The following ATXN1 variants were observed in gnomAD, a reference collection of about 807,000 sequenced individuals.
ATXN1 encodes ataxin 1.
In ATXN1, 8 loss-of-function variants were observed where a neutral mutation model predicts 56.4. The ratio of observed to expected loss-of-function variants is 0.14; its 90% CI spans 0.08 to 0.26. The LOEUF (loss-of-function observed/expected upper bound fraction) is 0.26, where lower values mean the gene tolerates loss of function less well. ATXN1 is among the 10% of genes least tolerant of loss of function. The pLI, the probability that ATXN1 is intolerant of heterozygous loss-of-function variation, is 1.00. For synonymous variants in ATXN1, 514 were observed against 494.6 expected (o/e 1.04, Z -0.52); for missense variants, 987 against 1,106.5 (o/e 0.89, Z 1.53).
intron 2 of ATXN1, among the ~76,000 whole-genome samples, chr6:16,658,639 C>T (rs976020481): frequency 6.6e-6 from 1 of 152,204 alleles, no homozygotes; most frequent in African/African-American, 2.4e-5. Flanking sequence ...GAGCTTTTAA[C>T]GCTCACTTGT....
In ATXN1 at chr6:16,303,920, C is replaced by T. The variant is rs1248405021; in HGVS notation, c.*2409G>A. 1 of 152,644 alleles carries T rather than the reference C, an allele frequency of 6.6e-6. No individual in the cohort carries two copies. Among genetic ancestry groups the T allele is most frequent in the African/African-American group, 2.4e-5 (1 of 41,458 alleles). 9.5% of individuals were successfully genotyped at this position (152,644 alleles called of 1,614,324 possible). A position where few individuals can be genotyped will look rare whatever the true frequency, so the allele number is the denominator to read the frequency against. ...ATATATGGAAGATTAAGCAAGTTCT[C>T]TGAACAGAAACGTTTAAAAAATACA... On this transcript the variant is annotated 3_prime_UTR_variant, in exon 8 of 8. Transcript: ENST00000436367. The surrounding 1 kb of genome is among the most constrained non-coding windows in gnomAD (Gnocchi z 4.3).
At chr6:16,624,830 A>G (rs895509915) in intron 3 of ATXN1, among the ~76,000 whole-genome samples, 5 of 152,192 alleles carry the variant, frequency 3.3e-5, no homozygotes, top group African/African-American at 1.2e-4. Flanking sequence ...GCCCGAGGGG[A>G]CTGAGTCACA....
At chr6:16,586,864 C>G (rs963082092) in intron 3 of ATXN1, among the ~76,000 whole-genome samples, 3 of 152,020 alleles carry the variant, frequency 2.0e-5, no homozygotes, top group South Asian at 4.2e-4. Flanking sequence ...ACTAAAAATA[C>G]AAAAATTAGC....
chr6:16,319,261 C>G (rs776684560), intron 7 of ATXN1, among the ~76,000 whole-genome samples: 7 of 151,790 alleles, frequency 4.6e-5, no homozygotes, highest in Non-Finnish European at 8.8e-5. Context: ...ATATTCAGTG[C>G]TAAAAAGAAA....
At chr6:16,346,117 G>A (rs1581703784) in intron 6 of ATXN1, among the ~76,000 whole-genome samples, 2 of 152,228 alleles carry the variant, frequency 1.3e-5, no homozygotes, top group South Asian at 4.1e-4. Flanking sequence ...GCGCAGTCAC[G>A]TGATCCCAGC....
At chr6:16,550,937 G>C (rs1247755974) in intron 4 of ATXN1, among the ~76,000 whole-genome samples, 2 of 152,090 alleles carry the variant, frequency 1.3e-5, no homozygotes, top group Non-Finnish European at 2.9e-5. Context: ...TTTTACAGAT[G>C]ATAAATTAAG....
intron 6 of ATXN1, among the ~76,000 whole-genome samples, chr6:16,471,864 A>G (rs938006108): frequency 6.6e-6 from 1 of 152,182 alleles, no homozygotes; most frequent in Non-Finnish European, 1.5e-5. Context: ...CAATCTCCGC[A>G]CCATCTGTCA....
At chr6:16,631,588 T>C (rs987269619) in intron 3 of ATXN1, among the ~76,000 whole-genome samples, 2 of 152,122 alleles carry the variant, frequency 1.3e-5, no homozygotes, top group Non-Finnish European at 2.9e-5. Context: ...TGAAATAAAG[T>C]CTCCAGGATA....
chr6:16,449,363 T>C (rs1759706489), intron 6 of ATXN1, among the ~76,000 whole-genome samples: 2 of 152,218 alleles, frequency 1.3e-5, no homozygotes, highest in Non-Finnish European at 2.9e-5. Context: ...CTGTCAGACA[T>C]ACCATGCTTA....
intron 3 of ATXN1, among the ~76,000 whole-genome samples, chr6:16,617,198 C>T (rs1763230654): frequency 6.6e-6 from 1 of 152,036 alleles, no homozygotes; most frequent in African/African-American, 2.4e-5. Flanking sequence ...AAAACAAGAA[C>T]TGCTCAGATT....
intron 6 of ATXN1, among the ~76,000 whole-genome samples, chr6:16,463,436 C>T (rs557291752): frequency 6.6e-6 from 1 of 152,318 alleles, no homozygotes; most frequent in Non-Finnish European, 1.5e-5. Context: ...GCCACTGCTA[C>T]AGGAACCAGA....
chr6:16,674,777 T>G (rs149036138), intron 2 of ATXN1, among the ~76,000 whole-genome samples: 119 of 152,274 alleles, frequency 7.8e-4, no homozygotes, highest in African/African-American at 2.7e-3. Context: ...AAAGGCTGGC[T>G]CTGATGGCAA....
intron 2 of ATXN1, among the ~76,000 whole-genome samples, chr6:16,687,915 A>G (rs1382959034): frequency 6.6e-6 from 1 of 152,220 alleles, no homozygotes; most frequent in Non-Finnish European, 1.5e-5. Flanking sequence ...CAAACAAAGT[A>G]TAAGGCATAA....
intron 3 of ATXN1, among the ~76,000 whole-genome samples, chr6:16,640,035 T>A (rs1272888540): frequency 1.3e-5 from 2 of 152,176 alleles, no homozygotes; most frequent in African/African-American, 4.8e-5. Flanking sequence ...TTTATTGCAT[T>A]TCACTTTGTT....
Position 16,760,770 on chromosome 6 carries a change from G to C in ATXN1, c.-730+528C>G, listed in dbSNP as rs1433976505. 6.6e-6 allele frequency among the ~76,000 whole-genome samples: 1 copy of C among 151,372 alleles called. No homozygotes were observed. The highest frequency in any genetic ancestry group is 1.5e-5 in the Non-Finnish European group (1 of 67,736). On this transcript the variant is annotated intron_variant, in intron 1 of 7. Coordinates refer to ENST00000436367, the MANE Select transcript of ATXN1 (RefSeq NM_001128164.2). The surrounding 1 kb of genome is among the most constrained non-coding windows in gnomAD (Gnocchi z 5.3). ...CTCTCACCGCCCTCTCCGGGGAGGAGGAATGGGAAGAGGGCGGCCGGGAAA... is the reference window on the plus strand; with the variant it reads ...CTCTCACCGCCCTCTCCGGGGAGGACGAATGGGAAGAGGGCGGCCGGGAAA...
intron 5 of ATXN1, among the ~76,000 whole-genome samples, chr6:16,510,174 C>T (rs1761055383): frequency 6.6e-6 from 1 of 152,132 alleles, no homozygotes; most frequent in African/African-American, 2.4e-5. Flanking sequence ...TTTTGAAAAT[C>T]AAATATGGCT....
chr6:16,470,590 A>C (rs1232583172), intron 6 of ATXN1, among the ~76,000 whole-genome samples: 1 of 152,214 alleles, frequency 6.6e-6, no homozygotes, highest in African/African-American at 2.4e-5. Context: ...TTTATATGGA[A>C]AGTTATTGGA....
intron 4 of ATXN1, among the ~76,000 whole-genome samples, chr6:16,544,880 T>A (rs898959772): frequency 2.0e-5 from 3 of 152,016 alleles, no homozygotes; most frequent in Non-Finnish European, 4.4e-5. Context: ...GGGGAGGTGG[T>A]GTGGAAGGAG....
At chr6:16,404,753 G>A (rs931041739) in intron 6 of ATXN1, among the ~76,000 whole-genome samples, 1 of 152,196 alleles carries the variant, frequency 6.6e-6, no homozygotes, top group African/African-American at 2.4e-5. Flanking sequence ...GTCATTTCCT[G>A]TGAAATGTCA....
Sources: gnomAD v4.1 joint callset for allele counts (sites outside exome capture counted in the v4.1 genomes callset) on GRCh38, gnomAD v4.1.1 for gene constraint, Gnocchi (gnomAD v3.1) non-coding constraint, MANE v1.5 for transcripts, NCBI Gene and HGNC (gene_info 2026-07-23, HGNC 2026-07-21) for gene names.